The following ZBTB20 variants were observed in gnomAD, a reference collection of about 807,000 sequenced individuals.
ZBTB20 encodes the protein zinc finger and BTB domain-containing protein 20.
A neutral mutation model predicts 56.9 loss-of-function variants in ZBTB20; 9 were observed. The observed-to-expected ratio is 0.16, with a 90% CI of 0.10 to 0.28. The LOEUF (loss-of-function observed/expected upper bound fraction) is 0.28. Ranked by LOEUF, ZBTB20 falls within the 10% of genes least tolerant of loss-of-function variation. The pLI is 1.00. For missense variants in ZBTB20, 655 were observed against 1,003.0 expected (o/e 0.65, Z 4.69); for synonymous variants, 417 against 420.7 (o/e 0.99, Z 0.11).
intron 6 of ZBTB20, among the ~76,000 whole-genome samples, chr3:114,583,836 ACTGT>A (rs1022109403): frequency 1.3e-5 from 2 of 152,192 alleles, no homozygotes; most frequent in African/African-American, 4.8e-5. Flanking sequence ...TTAAAATGAG[ACTGT>A]CTTTGTTTAA....
intron 7 of ZBTB20, among the ~76,000 whole-genome samples, chr3:114,486,446 C>T (rs931430022): frequency 1.3e-4 from 20 of 152,114 alleles, no homozygotes; most frequent in African/African-American, 4.8e-4. Context: ...AGGATTCTTC[C>T]TAACCTTTAC....
chr3:115,023,562 A>G (rs913098872), intron 2 of ZBTB20, among the ~76,000 whole-genome samples: 1 of 150,974 alleles, frequency 6.6e-6, no homozygotes, highest in Admixed American at 6.6e-5. Flanking sequence ...AGGAATTGAA[A>G]TATGCTATAC....
chr3:114,686,130 G>T (rs1466313460), intron 6 of ZBTB20, among the ~76,000 whole-genome samples: 1 of 152,060 alleles, frequency 6.6e-6, no homozygotes, highest in African/African-American at 2.4e-5. Flanking sequence ...GCTTAAAATG[G>T]TATATGCAAT....
chr3:114,622,720 C>CAAGA, intron 6 of ZBTB20, among the ~76,000 whole-genome samples: 1 of 152,322 alleles, frequency 6.6e-6, no homozygotes, highest in South Asian at 2.1e-4. Context: ...CCTACTTGGA[C>CAAGA]AAGAGTACAT....
intron 1 of ZBTB20, among the ~76,000 whole-genome samples, chr3:115,114,708 A>G (rs1352923918): frequency 5.9e-5 from 9 of 151,992 alleles, no homozygotes; most frequent in Non-Finnish European, 1.2e-4. Flanking sequence ...TTGTAATGAA[A>G]AGAATTACAA....
chr3:115,063,672 CACACACACACAA>C (rs1411097499), intron 2 of ZBTB20, among the ~76,000 whole-genome samples: 18 of 151,742 alleles, frequency 1.2e-4, no homozygotes, highest in African/African-American at 4.4e-4. Context: ...CACACACACA[CACACACACACAA>C]ACACACACAC....
intron 5 of ZBTB20, among the ~76,000 whole-genome samples, chr3:114,760,005 A>G (rs998101196): frequency 6.6e-6 from 1 of 152,190 alleles, no homozygotes; most frequent in Non-Finnish European, 1.5e-5. Flanking sequence ...AAAAGAATAT[A>G]CAGAGATTAA....
intron 1 of ZBTB20, among the ~76,000 whole-genome samples, chr3:115,098,405 T>C (rs968186468): frequency 6.6e-6 from 1 of 152,148 alleles, no homozygotes; most frequent in African/African-American, 2.4e-5. Flanking sequence ...AATTTTTGGG[T>C]CACCGTCAGA....
chr3:114,838,309 C>A (rs2074216379), intron 4 of ZBTB20, among the ~76,000 whole-genome samples: 1 of 152,098 alleles, frequency 6.6e-6, no homozygotes, highest in Non-Finnish European at 1.5e-5. Context: ...ATTTAAGAAC[C>A]ACTTTCAATT....
intron 7 of ZBTB20, among the ~76,000 whole-genome samples, chr3:114,478,460 A>T (rs1359413810): frequency 6.6e-6 from 1 of 152,248 alleles, no homozygotes; most frequent in African/African-American, 2.4e-5. Flanking sequence ...GTAGTACTCC[A>T]TAACAAGCTG....
At chr3:114,422,382 A>G (rs2089260959) in intron 7 of ZBTB20, among the ~76,000 whole-genome samples, 1 of 152,194 alleles carries the variant, frequency 6.6e-6, no homozygotes, top group African/African-American at 2.4e-5. Context: ...ATGAACACAC[A>G]GCAAGAAAGT....
intron 7 of ZBTB20, among the ~76,000 whole-genome samples, chr3:114,443,780 A>G (rs2091084245): frequency 6.6e-6 from 1 of 152,218 alleles, no homozygotes; most frequent in Non-Finnish European, 1.5e-5. Context: ...CATTCTGCTA[A>G]GCACTTTATA....
intron 10 of ZBTB20, among the ~76,000 whole-genome samples, chr3:114,361,893 C>G (rs1395829068): frequency 6.6e-6 from 1 of 152,198 alleles, no homozygotes; most frequent in African/African-American, 2.4e-5. Context: ...CAGCAAGGAC[C>G]ACTGTGGAGG....
intron 5 of ZBTB20, among the ~76,000 whole-genome samples, chr3:114,765,088 G>A (rs1182297678): frequency 6.6e-6 from 1 of 152,122 alleles, no homozygotes; most frequent in Non-Finnish European, 1.5e-5. Flanking sequence ...GGAGGTGAGG[G>A]AGAAATAAAA....
chr3:114,372,459 G>C (rs1166685150), intron 10 of ZBTB20, among the ~76,000 whole-genome samples: 1 of 152,158 alleles, frequency 6.6e-6, no homozygotes, highest in Non-Finnish European at 1.5e-5. Flanking sequence ...GTCGGGAAGG[G>C]CCACAAATCC....
intron 6 of ZBTB20, among the ~76,000 whole-genome samples, chr3:114,611,492 G>T (rs2107691557): frequency 6.6e-6 from 1 of 152,280 alleles, no homozygotes; most frequent in East Asian, 1.9e-4. Flanking sequence ...GGAGGCTTCA[G>T]TGAGCCTGAG....
chr3:115,056,205 C>T (rs1315871574), intron 2 of ZBTB20, among the ~76,000 whole-genome samples: 1 of 151,878 alleles, frequency 6.6e-6, no homozygotes, highest in African/African-American at 2.4e-5. Context: ...CACAGTAGTT[C>T]AAATGACTAG....
chr3:114,395,353 G>A (rs185194332), intron 7 of ZBTB20, among the ~76,000 whole-genome samples: 14 of 152,064 alleles, frequency 9.2e-5, no homozygotes, highest in Admixed American at 5.9e-4. Context: ...GATGACCTCC[G>A]ATGAGACATT....
intron 7 of ZBTB20, among the ~76,000 whole-genome samples, chr3:114,449,707 G>T (rs1054606039): frequency 1.4e-5 from 2 of 145,074 alleles, no homozygotes; most frequent in Admixed American, 6.9e-5. Flanking sequence ...AAAAAAGGTT[G>T]CACAAAAGAT....
Sources: allele counts gnomAD v4.1 joint callset (sites outside exome capture counted in the v4.1 genomes callset), GRCh38; gene constraint gnomAD v4.1.1; transcripts MANE v1.5; gene names NCBI Gene and HGNC (gene_info 2026-07-23, HGNC 2026-07-21).